PLCB4: variants seen among roughly 807,000 people sequenced by gnomAD.
PLCB4 encodes the protein phospholipase C beta 4.
A neutral mutation model predicts 178.8 loss-of-function variants in PLCB4; 77 were observed. The ratio of observed to expected loss-of-function variants is 0.43; its 90% CI spans 0.36 to 0.52. PLCB4 has a LOEUF of 0.52. PLCB4 is among the 20% of genes least tolerant of loss of function. The pLI is 0.00. For synonymous variants in PLCB4, 496 were observed against 490.8 expected (o/e 1.01, Z -0.14); for missense variants, 1,024 against 1,453.4 (o/e 0.70, Z 4.80).
chr20:9,360,459 T>A (rs948409976), intron 7 of PLCB4, among the ~76,000 whole-genome samples: 5 of 152,060 alleles, frequency 3.3e-5, no homozygotes, highest in African/African-American at 1.2e-4. Flanking sequence ...CAGTGAACAG[T>A]CTCAGAAATT....
intron 28 of PLCB4, among the ~76,000 whole-genome samples, chr20:9,431,568 C>G (rs1045708960): frequency 1.2e-4 from 19 of 152,016 alleles, no homozygotes; most frequent in African/African-American, 3.9e-4. Context: ...CAGGTTCAAG[C>G]AATTCTCCTG....
intron 12 of PLCB4, among the ~76,000 whole-genome samples, chr20:9,378,129 G>C (rs571737569): frequency 2.0e-5 from 3 of 152,246 alleles, no homozygotes; most frequent in Non-Finnish European, 4.4e-5. Context: ...TCTGAGTTCT[G>C]TCTCCTTTCC....
intron 4 of PLCB4, among the ~76,000 whole-genome samples, chr20:9,321,001 A>G (rs1411063611): frequency 6.6e-6 from 1 of 152,206 alleles, no homozygotes; most frequent in Non-Finnish European, 1.5e-5. Flanking sequence ...AAGGAAACAA[A>G]ATTAGATCCA....
chr20:9,419,106 C>G (rs1446932275), intron 25 of PLCB4, among the ~76,000 whole-genome samples: 8 of 151,936 alleles, frequency 5.3e-5, no homozygotes, highest in African/African-American at 1.4e-4. Flanking sequence ...TCATCTGTGA[C>G]TAGAAATAGG....
At chr20:9,379,653 C>T (rs2036970780) in intron 12 of PLCB4, among the ~76,000 whole-genome samples, 1 of 151,948 alleles carries the variant, frequency 6.6e-6, no homozygotes, top group South Asian at 2.1e-4. Flanking sequence ...TAGTATATTA[C>T]CTATTTGAAC....
chr20:9,457,817 C>G (rs2043148667), intron 34 of PLCB4, among the ~76,000 whole-genome samples: 1 of 152,088 alleles, frequency 6.6e-6, no homozygotes, highest in Non-Finnish European at 1.5e-5. Flanking sequence ...ATATACTTCC[C>G]TATAGAAATA....
intron 1 of PLCB4, among the ~76,000 whole-genome samples, chr20:9,076,385 C>T (rs982753763): frequency 9.9e-5 from 15 of 151,930 alleles, no homozygotes; most frequent in African/African-American, 3.6e-4. Flanking sequence ...GAGAATTGCT[C>T]GAACCTCGGA....
At chr20:9,224,307 C>G (rs976457643) in intron 3 of PLCB4, among the ~76,000 whole-genome samples, 2 of 152,194 alleles carry the variant, frequency 1.3e-5, no homozygotes, top group Admixed American at 1.3e-4. Context: ...CAGTGGCTCT[C>G]TCTTCTCTCC....
chr20:9,466,383 T>TTCATGACTAAAA (rs2043785012), intron 35 of PLCB4, among the ~76,000 whole-genome samples: 1 of 152,150 alleles, frequency 6.6e-6, no homozygotes, highest in South Asian at 2.1e-4. Flanking sequence ...GGGCAAGGAC[T>TTCATGACTAAAA]TCATGACTAA....
At chr20:9,375,792 A>G (rs1470117653) in intron 12 of PLCB4, among the ~76,000 whole-genome samples, 1 of 152,156 alleles carries the variant, frequency 6.6e-6, no homozygotes, top group Non-Finnish European at 1.5e-5. Context: ...TGAAGTAATT[A>G]GAGAGTTCAG....
At chr20:9,114,233 C>T (rs1300869255) in intron 2 of PLCB4, among the ~76,000 whole-genome samples, 1 of 151,892 alleles carries the variant, frequency 6.6e-6, no homozygotes, top group African/African-American at 2.4e-5. Flanking sequence ...GAGGGACTTA[C>T]TCCTGTTGGA....
At chr20:9,432,402 A>G (rs1000058443) in intron 28 of PLCB4, among the ~76,000 whole-genome samples, 6 of 152,312 alleles carry the variant, frequency 3.9e-5, no homozygotes, top group African/African-American at 9.6e-5. Context: ...CAGACTGATT[A>G]TATGTTATTA....
intron 2 of PLCB4, among the ~76,000 whole-genome samples, chr20:9,151,456 G>A (rs1054083121): frequency 2.0e-5 from 3 of 152,066 alleles, no homozygotes; most frequent in African/African-American, 7.2e-5. Flanking sequence ...ATTAAATCAT[G>A]GGGGTTGGTC....
intron 3 of PLCB4, among the ~76,000 whole-genome samples, chr20:9,244,798 T>C (rs552449165): frequency 2.0e-5 from 3 of 152,352 alleles, no homozygotes; most frequent in South Asian, 2.1e-4. Context: ...ATTCTGATAG[T>C]AAATAGTGAT....
intron 3 of PLCB4, among the ~76,000 whole-genome samples, chr20:9,302,035 G>A (rs1287525546): frequency 6.6e-6 from 1 of 152,130 alleles, no homozygotes; most frequent in African/African-American, 2.4e-5. Flanking sequence ...TTTCCTGTGG[G>A]CTCTGCATGG....
intron 20 of PLCB4, among the ~76,000 whole-genome samples, chr20:9,404,050 A>G (rs1324586472): frequency 6.6e-6 from 1 of 152,210 alleles, no homozygotes; most frequent in Non-Finnish European, 1.5e-5. Context: ...CTGGTGGCCA[A>G]GGGCACCTGA....
At chr20:9,158,311 G>A (rs1474649924) in intron 2 of PLCB4, among the ~76,000 whole-genome samples, 1 of 151,682 alleles carries the variant, frequency 6.6e-6, no homozygotes, top group African/African-American at 2.4e-5. Flanking sequence ...TGTTGCCCAA[G>A]CTGTAGTGTG....
intron 2 of PLCB4, among the ~76,000 whole-genome samples, chr20:9,211,829 A>C (rs2093676402): frequency 6.6e-6 from 1 of 152,268 alleles, no homozygotes; most frequent in African/African-American, 2.4e-5. Flanking sequence ...TCCATGTACC[A>C]TTGTAAAATA....
At chr20:9,212,215 A>G (rs1008731032) in intron 2 of PLCB4, among the ~76,000 whole-genome samples, 2 of 152,248 alleles carry the variant, frequency 1.3e-5, no homozygotes, top group African/African-American at 4.8e-5. Context: ...GATTTAAGCT[A>G]CAAAAGTTTG....
Sources: gnomAD v4.1 joint callset for allele counts (sites outside exome capture counted in the v4.1 genomes callset) on GRCh38, gnomAD v4.1.1 for gene constraint, MANE v1.5 for transcripts, NCBI Gene and HGNC (gene_info 2026-07-23, HGNC 2026-07-21) for gene names.